The following SHISA9 variants were observed in gnomAD, a reference collection of about 807,000 sequenced individuals.
SHISA9 encodes the protein shisa family member 9.
Under a neutral mutation model 38.0 loss-of-function variants are expected in SHISA9, and 13 were observed. The ratio of observed to expected loss-of-function variants is 0.34; its 90% CI spans 0.22 to 0.54. The LOEUF is 0.54. Ranked by LOEUF, SHISA9 falls within the 20% of genes least tolerant of loss-of-function variation. SHISA9 has a pLI of 0.91. For synonymous variants in SHISA9, 275 were observed against 242.0 expected (o/e 1.14, Z -1.27); for missense variants, 538 against 575.8 (o/e 0.93, Z 0.67).
At chr16:12,961,211 A>T (rs1022980955) in intron 2 of SHISA9, among the ~76,000 whole-genome samples, 2 of 152,138 alleles carry the variant, frequency 1.3e-5, no homozygotes, top group African/African-American at 4.8e-5. Flanking sequence ...TGCAGGGACA[A>T]CCTTGAGTGG....
the SHISA9 span, among the ~76,000 whole-genome samples, chr16:13,387,351 A>T: frequency 6.6e-6 from 1 of 152,148 alleles, no homozygotes; most frequent in African/African-American, 2.4e-5. Flanking sequence ...CAGAAGAGGG[A>T]AATTTGGACT....
intron 1 of SHISA9, among the ~76,000 whole-genome samples, chr16:12,912,284 A>G (rs1764872495): frequency 6.6e-6 from 1 of 152,212 alleles, no homozygotes; most frequent in African/African-American, 2.4e-5. Flanking sequence ...TGCCCTGGGG[A>G]AAAGTGTCCT....
the SHISA9 span, among the ~76,000 whole-genome samples, chr16:13,460,407 C>T: frequency 3.9e-4 from 59 of 152,266 alleles, no homozygotes; most frequent in Admixed American, 4.6e-4. Flanking sequence ...CAAGCCCCCC[C>T]GATCCATCAT....
chr16:13,072,095 C>T (rs1017561095), intron 2 of SHISA9, among the ~76,000 whole-genome samples: 26 of 152,348 alleles, frequency 1.7e-4, no homozygotes, highest in African/African-American at 5.5e-4. Context: ...CTGGTTCCAG[C>T]TCAGTCGCTT....
At chr16:13,296,194 A>G in the SHISA9 span, among the ~76,000 whole-genome samples, 3 of 151,824 alleles carry the variant, frequency 2.0e-5, no homozygotes, top group Admixed American at 6.6e-5. Flanking sequence ...TGTCACTTTG[A>G]AAGAAAAGAC....
rs779732648 is a variant in SHISA9 at position 13,141,195 on chromosome 16, A to G, written c.692-62199A>G. On this transcript the variant is annotated intron_variant, in intron 2 of 4. Coordinates refer to ENST00000558583, the MANE Select transcript of SHISA9 (RefSeq NM_001145204.3). ...GCAACCATTGCTCTTATTCTTGCTT[A>G]TTTCCTTCCAGTCTTTTTTCTACGC... 2.2e-4 allele frequency among the ~76,000 whole-genome samples: 34 copies of G among 152,112 alleles called. 1 individual carries two copies. The highest frequency in any genetic ancestry group is 4.6e-4 in the Non-Finnish European group (31 of 68,006).
intron 2 of SHISA9, among the ~76,000 whole-genome samples, chr16:13,108,979 G>C (rs1028833002): frequency 2.0e-5 from 3 of 152,160 alleles, no homozygotes; most frequent in Non-Finnish European, 2.9e-5. Context: ...GGGTGTGACA[G>C]GTATATGATG....
the SHISA9 span, among the ~76,000 whole-genome samples, chr16:13,466,472 G>A: frequency 6.6e-6 from 1 of 152,162 alleles, no homozygotes; most frequent in Non-Finnish European, 1.5e-5. Context: ...ACACTCTTTA[G>A]GAATGAAGGT....
At chr16:13,242,468 C>A (rs2051442453), downstream of SHISA9, among the ~76,000 whole-genome samples, 1 of 152,148 alleles carries the variant, frequency 6.6e-6, no homozygotes, top group Admixed American at 6.5e-5. Flanking sequence ...GGGATCATCC[C>A]AAGGACTATG....
the SHISA9 span, among the ~76,000 whole-genome samples, chr16:13,395,070 C>T: frequency 2.0e-5 from 3 of 152,032 alleles, no homozygotes; most frequent in Non-Finnish European, 2.9e-5. Flanking sequence ...AAGAATGTGG[C>T]TTTGCAGTCT....
chr16:13,492,782 C>G, the SHISA9 span, among the ~76,000 whole-genome samples: 2 of 152,150 alleles, frequency 1.3e-5, no homozygotes, highest in African/African-American at 2.4e-5. Context: ...ATGTTTTGAC[C>G]TTTCTGGCAG....
chr16:13,125,500 A>G (rs2050248844), intron 2 of SHISA9, among the ~76,000 whole-genome samples: 1 of 152,178 alleles, frequency 6.6e-6, no homozygotes, highest in African/African-American at 2.4e-5. Context: ...TCACAGAACC[A>G]TTGTGATGGC....
At chr16:13,061,721 C>CATA (rs2073377976) in intron 2 of SHISA9, among the ~76,000 whole-genome samples, 1 of 152,154 alleles carries the variant, frequency 6.6e-6, no homozygotes, top group Admixed American at 6.5e-5. Context: ...TAACCAGCTA[C>CATA]ATAATAACGT....
At chr16:13,328,534 T>G in the SHISA9 span, among the ~76,000 whole-genome samples, 1,711 of 151,278 alleles carry the variant, frequency 0.011, 33 homozygotes, top group African/African-American at 0.038. Context: ...TGCCTCAGCC[T>G]TCTGAGTAGC....
chr16:13,009,345 G>C (rs548479265), intron 2 of SHISA9, among the ~76,000 whole-genome samples: 2 of 152,156 alleles, frequency 1.3e-5, no homozygotes, highest in Admixed American at 6.5e-5. Context: ...GATTGGGAAG[G>C]ACATTCAGGA....
intron 2 of SHISA9, among the ~76,000 whole-genome samples, chr16:12,972,943 C>G (rs2072103847): frequency 6.6e-6 from 1 of 152,060 alleles, no homozygotes; most frequent in Non-Finnish European, 1.5e-5. Context: ...TGGTGAAACC[C>G]TGTAGCTACT....
At chr16:12,987,689 C>T (rs571758281) in intron 2 of SHISA9, among the ~76,000 whole-genome samples, 5 of 152,184 alleles carry the variant, frequency 3.3e-5, no homozygotes, top group Non-Finnish European at 5.9e-5. Context: ...CCATGGCACA[C>T]GTTTACCTAT....
intron 2 of SHISA9, among the ~76,000 whole-genome samples, chr16:13,098,149 C>G (rs543800811): frequency 8.1e-4 from 123 of 152,148 alleles, no homozygotes; most frequent in Non-Finnish European, 1.6e-3. Flanking sequence ...TCCAGAGTAC[C>G]TGCTCTTAAT....
chr16:13,437,595 A>G, the SHISA9 span, among the ~76,000 whole-genome samples: 2 of 152,128 alleles, frequency 1.3e-5, no homozygotes, highest in Non-Finnish European at 2.9e-5. Context: ...CTCCCAAGCC[A>G]TAAACAACTC....
Sources: gnomAD v4.1 joint callset for allele counts (sites outside exome capture counted in the v4.1 genomes callset) on GRCh38, gnomAD v4.1.1 for gene constraint, MANE v1.5 for transcripts, NCBI Gene and HGNC (gene_info 2026-07-23, HGNC 2026-07-21) for gene names.